STPG2: variants seen among roughly 807,000 people sequenced by gnomAD.
STPG2 encodes the protein sperm tail PG-rich repeat containing 2, also known as sperm-tail PG-rich repeat-containing protein 2.
In STPG2, 56 loss-of-function variants were observed where a neutral mutation model predicts 54.2. That is an observed-to-expected ratio of 1.03 (90% CI 0.83 to 1.29). STPG2 has a LOEUF of 1.29. Among genes scored for constraint, STPG2 ranks in the 50% most tolerant of loss-of-function variants. The probability of loss-of-function intolerance (pLI) is 0.00; values close to 1 mark genes in which losing one functional copy is unlikely to be tolerated. For missense variants in STPG2, 596 were observed against 544.9 expected, an observed-to-expected ratio of 1.09 and a Z score of -0.93; for synonymous variants, 200 against 181.8, an observed-to-expected ratio of 1.10 and a Z score of -0.81.
intron 9 of STPG2, among the ~76,000 whole-genome samples, chr4:97,778,002 G>T (rs1487647229): frequency 6.6e-6 from 1 of 152,146 alleles, no homozygotes; most frequent in East Asian, 1.9e-4. Flanking sequence ...CAGAAGACAG[G>T]TGATTTCTGC....
intron 9 of STPG2, among the ~76,000 whole-genome samples, chr4:97,736,930 C>T (rs1725020336): frequency 6.6e-6 from 1 of 152,098 alleles, no homozygotes; most frequent in Non-Finnish European, 1.5e-5. Context: ...TGACCCCTGA[C>T]CCCCCAGCAG....
At chr4:97,799,542 C>T (rs962530529) in intron 9 of STPG2, among the ~76,000 whole-genome samples, 27 of 152,226 alleles carry the variant, frequency 1.8e-4, no homozygotes, top group African/African-American at 5.3e-4. Flanking sequence ...GAGTTTCTGC[C>T]GAGAGATCCG....
intron 10 of STPG2, among the ~76,000 whole-genome samples, chr4:97,697,367 G>C (rs1054629129): frequency 2.0e-5 from 3 of 152,096 alleles, no homozygotes; most frequent in Non-Finnish European, 4.4e-5. Context: ...AGCATCCCAG[G>C]CACCCCTGAC....
intron 9 of STPG2, among the ~76,000 whole-genome samples, chr4:97,772,844 T>C (rs1467892965): frequency 1.3e-5 from 2 of 152,260 alleles, no homozygotes; most frequent in East Asian, 1.9e-4. Flanking sequence ...TAAACATAAA[T>C]AAAATGTTAG....
At chr4:97,510,048 T>G (rs1414758911) in intron 4 of STPG2, among the ~76,000 whole-genome samples, 1 of 152,050 alleles carries the variant, frequency 6.6e-6, no homozygotes, top group African/African-American at 2.4e-5. Flanking sequence ...CTATAGAGTT[T>G]CTAGAGCCGG....
intron 5 of STPG2, among the ~76,000 whole-genome samples, chr4:98,100,654 TTTTC>T (rs1738998222): frequency 1.3e-5 from 2 of 150,740 alleles, no homozygotes; most frequent in Admixed American, 1.3e-4. Flanking sequence ...CATATCTTCT[TTTTC>T]TTTCTTTTTT....
chr4:97,924,250 C>T (rs1288583381), intron 8 of STPG2, among the ~76,000 whole-genome samples: 1 of 152,174 alleles, frequency 6.6e-6, no homozygotes, highest in East Asian at 1.9e-4. Flanking sequence ...CGAGGGTCCG[C>T]GGCTTCATTC....
chr4:97,798,104 T>C (rs1242319502), intron 9 of STPG2, among the ~76,000 whole-genome samples: 1 of 152,214 alleles, frequency 6.6e-6, no homozygotes, highest in Non-Finnish European at 1.5e-5. Context: ...TAGTGGTCTA[T>C]CAATTTTCTT....
intron 9 of STPG2, among the ~76,000 whole-genome samples, chr4:97,794,403 C>G (rs1309224768): frequency 6.6e-6 from 1 of 152,098 alleles, no homozygotes; most frequent in Admixed American, 6.6e-5. Flanking sequence ...GCTGACTCTA[C>G]AAAGTATGCT....
At chr4:97,532,981 C>A (rs1377550716) in intron 4 of STPG2, among the ~76,000 whole-genome samples, 1 of 152,140 alleles carries the variant, frequency 6.6e-6, no homozygotes, top group Non-Finnish European at 1.5e-5. Context: ...CTCCCGGGTT[C>A]ATGCCATTCT....
intron 5 of STPG2, among the ~76,000 whole-genome samples, chr4:98,098,378 A>G (rs1451779991): frequency 6.6e-6 from 1 of 152,142 alleles, no homozygotes; most frequent in African/African-American, 2.4e-5. Flanking sequence ...GGGAAAAAAC[A>G]GTCTCTTCAA....
At chr4:97,460,804 G>C (rs1253453630) in intron 4 of STPG2, among the ~76,000 whole-genome samples, 1 of 152,136 alleles carries the variant, frequency 6.6e-6, no homozygotes, top group Non-Finnish European at 1.5e-5. Flanking sequence ...CAAGAAACTT[G>C]ACTTCTAACA....
chr4:97,587,080 G>A (rs556867533), intron 10 of STPG2, among the ~76,000 whole-genome samples: 2 of 151,954 alleles, frequency 1.3e-5, no homozygotes, highest in South Asian at 4.1e-4. Context: ...AGTATCTAGA[G>A]AATTAACTTC....
chr4:97,946,460 T>C (rs778310929), intron 7 of STPG2, among the ~76,000 whole-genome samples: 13 of 152,150 alleles, frequency 8.5e-5, no homozygotes, highest in Non-Finnish European at 1.2e-4. Flanking sequence ...TAGTCATGAA[T>C]TCTTTGCCTA....
At chr4:97,456,183 A>G (rs1486746586) in intron 4 of STPG2, among the ~76,000 whole-genome samples, 1 of 152,208 alleles carries the variant, frequency 6.6e-6, no homozygotes, top group Non-Finnish European at 1.5e-5. Context: ...GAACTACCCG[A>G]AACGGGGTAA....
intron 3 of STPG2, among the ~76,000 whole-genome samples, chr4:98,120,957 C>A (rs777742051): frequency 1.3e-5 from 2 of 152,260 alleles, no homozygotes; most frequent in Non-Finnish European, 2.9e-5. Context: ...TTTAGCATTT[C>A]TGTCATGAAA....
At chr4:97,954,246 A>G (rs553084185) in intron 7 of STPG2, among the ~76,000 whole-genome samples, 1 of 152,332 alleles carries the variant, frequency 6.6e-6, no homozygotes, top group Admixed American at 6.5e-5. Context: ...ATTGAGTTGT[A>G]GAAGTACCAT....
intron 8 of STPG2, among the ~76,000 whole-genome samples, chr4:97,846,002 G>A (rs1728938536): frequency 6.6e-6 from 1 of 152,190 alleles, no homozygotes; most frequent in African/African-American, 2.4e-5. Context: ...AGAGAAGGCA[G>A]CCTGAACTTC....
At chr4:97,626,731 T>G (rs1734147370) in intron 10 of STPG2, among the ~76,000 whole-genome samples, 1 of 152,126 alleles carries the variant, frequency 6.6e-6, no homozygotes, top group Non-Finnish European at 1.5e-5. Context: ...TTAGATAATT[T>G]TAATGTCTTT....
Sources: allele counts gnomAD v4.1 joint callset (sites outside exome capture counted in the v4.1 genomes callset), GRCh38; gene constraint gnomAD v4.1.1; transcripts MANE v1.5; gene names NCBI Gene and HGNC (gene_info 2026-07-23, HGNC 2026-07-21).